SIPA1L3: variants seen among roughly 807,000 people sequenced by gnomAD.
SIPA1L3 encodes the protein signal induced proliferation associated 1 like 3.
In SIPA1L3, 59 loss-of-function variants were observed where a neutral mutation model predicts 150.1. That is an observed-to-expected ratio of 0.39 (90% confidence interval 0.32 to 0.49). SIPA1L3 has a LOEUF of 0.49. SIPA1L3 is among the 20% of genes least tolerant of loss of function. The pLI is 0.86. For synonymous variants in SIPA1L3, 1,070 were observed against 1,077.6 expected, an observed-to-expected ratio of 0.99 and a Z score of 0.14; for missense variants, 2,211 against 2,489.5, an observed-to-expected ratio of 0.89 and a Z score of 2.38.
At chr19:38,167,231 C>CAAAAAAAAAAAAAAA (rs370193698) in intron 15 of SIPA1L3, among the ~76,000 whole-genome samples, 1 of 87,524 alleles carries the variant, frequency 1.1e-5, no homozygotes, top group Non-Finnish European at 2.3e-5. Flanking sequence ...GATTCCATCT[C>CAAAAAAAAAAAAAAA]AAAAAAAAAA....
At chr19:38,024,320 T>C (rs772026186) in intron 1 of SIPA1L3, among the ~76,000 whole-genome samples, 37 of 152,296 alleles carry the variant, frequency 2.4e-4, no homozygotes, top group Non-Finnish European at 4.7e-4. Context: ...AAAGACTGGT[T>C]TTCAGTATGT....
chr19:38,012,229 G>T (rs1968118725), intron 1 of SIPA1L3, among the ~76,000 whole-genome samples: 1 of 151,920 alleles, frequency 6.6e-6, no homozygotes, highest in African/African-American at 2.4e-5. Context: ...GGGACCACAG[G>T]TGCATGCCCC....
At chr19:37,973,235 CTTT>C (rs34272056) in intron 1 of SIPA1L3, among the ~76,000 whole-genome samples, 13 of 119,962 alleles carry the variant, frequency 1.1e-4, no homozygotes, top group African/African-American at 9.8e-5. Flanking sequence ...AAAAGCGCAT[CTTT>C]TTTTTTTTTT....
chr19:37,941,081 CACACAT>C (rs769972027), intron 1 of SIPA1L3, among the ~76,000 whole-genome samples: 3,735 of 128,114 alleles, frequency 0.029, 99 homozygotes, highest in East Asian at 0.074. Flanking sequence ...TACACACACA[CACACAT>C]ACACACACAC....
intron 1 of SIPA1L3, 39 bp from the exon 2 acceptor site, chr19:38,029,050 T>G (rs1487191622): frequency 6.6e-6 from 1 of 152,124 alleles, no homozygotes; most frequent in Non-Finnish European, 1.5e-5. Flanking sequence ...AAGGCTTAAG[T>G]TGGCCAGAGA....
At chr19:38,031,189 C>T (rs1968646865) in intron 2 of SIPA1L3, among the ~76,000 whole-genome samples, 1 of 152,186 alleles carries the variant, frequency 6.6e-6, no homozygotes, top group Non-Finnish European at 1.5e-5. Context: ...ACAAAGTTCA[C>T]ATGTCTACCC....
chr19:37,910,258 G>C (rs1390227796), intron 1 of SIPA1L3, among the ~76,000 whole-genome samples: 1 of 152,100 alleles, frequency 6.6e-6, no homozygotes, highest in Non-Finnish European at 1.5e-5. Flanking sequence ...TAAAGTGTTT[G>C]TTTTTAGCTA....
Position 38,082,117 on chromosome 19 carries a change from G to A in SIPA1L3, c.552G>A (p.Ala184=), listed in dbSNP as rs373122914. 1.4e-5 allele frequency: 23 copies of A among 1,607,490 alleles called. No homozygotes were observed. The highest frequency in any genetic ancestry group is 2.2e-5 in the East Asian group (1 of 44,828). The part of the protein sequence containing the change: ...ITLSECDAED[A]GEPRGARHTG... Reference sequence around the variant, plus strand: ...TCAGCGAGTGTGACGCGGAGGACGCGGGGGAGCCGCGGGGGGCCCGGCACA... The same window carrying A: ...TCAGCGAGTGTGACGCGGAGGACGCAGGGGAGCCGCGGGGGGCCCGGCACA... Residue 184 remains alanine, a synonymous_variant, in exon 3 of 22, where the codon GCG becomes GCA. Transcript: ENST00000222345.
intron 2 of SIPA1L3, among the ~76,000 whole-genome samples, chr19:38,052,793 G>A (rs1411698712): frequency 1.3e-5 from 2 of 152,162 alleles, no homozygotes; most frequent in African/African-American, 2.4e-5. Flanking sequence ...GGGCCTACAT[G>A]GTTCCGAGTT....
At chr19:38,071,896 G>A (rs1969731368) in intron 2 of SIPA1L3, among the ~76,000 whole-genome samples, 1 of 152,222 alleles carries the variant, frequency 6.6e-6, no homozygotes. Flanking sequence ...GATGGGGAGT[G>A]ATCAAGAGTT....
intron 1 of SIPA1L3, among the ~76,000 whole-genome samples, chr19:37,984,836 A>G (rs1967303684): frequency 6.6e-6 from 1 of 152,168 alleles, no homozygotes. Flanking sequence ...AAACTAGAGC[A>G]TGTCCTTGTG....
rs763908720 is a variant in SIPA1L3, at chr19:38,205,457, CAAAA to C, written c.5203-624_5203-621del. Among the ~76,000 whole-genome samples the C allele has an allele frequency of 5.3e-5, 4 of 75,436 alleles. No individual in the cohort carries two copies. The South Asian group carries it at 1.4e-3, about 27-fold the overall frequency. 49.5% of individuals were successfully genotyped at this position (75,436 alleles called of 152,430 possible). A position where few individuals can be genotyped will look rare whatever the true frequency, so the allele number is the denominator to read the frequency against. Reference sequence around the variant, plus strand: ...GGGCGACAAGAGCAAAACCCAGTCTCAAAAAAAAAAAAAAAAAAATGAGGAGGAG... The same window carrying C: ...GGGCGACAAGAGCAAAACCCAGTCTCAAAAAAAAAAAAAAATGAGGAGGAG... On this transcript the variant is annotated intron_variant, in intron 21 of 21. Transcript: ENST00000222345.
chr19:38,141,448 TG>T lies in SIPA1L3; in HGVS notation c.3395+19del. On this transcript the variant is annotated intron_variant, in intron 11 of 21. Transcript: ENST00000222345. ...TGCACAGCAAGAGGTAAGCACCTGC[TG>T]GGGGGACCAATACTTCCCAACCCCC... The T allele has an allele frequency of 6.2e-7, 1 of 1,601,902 alleles. No homozygotes were observed.
chr19:38,010,074 C>T (rs1416640452), intron 1 of SIPA1L3, among the ~76,000 whole-genome samples: 2 of 152,134 alleles, frequency 1.3e-5, no homozygotes, highest in Non-Finnish European at 2.9e-5. Context: ...TAACCCTGCT[C>T]AGCCCTCTCC....
intron 10 of SIPA1L3, among the ~76,000 whole-genome samples, chr19:38,134,041 T>C (rs187092244): frequency 6.6e-6 from 1 of 152,058 alleles, no homozygotes; most frequent in Admixed American, 6.6e-5. Flanking sequence ...TGCAGTGCAG[T>C]GGCATGATCT....
chr19:38,142,669 C>A lies in SIPA1L3; in HGVS notation c.3492C>A (p.Pro1164=), dbSNP rs201468532. 1 of 1,614,096 alleles carries A rather than the reference C, an allele frequency of 6.2e-7. No homozygotes were observed. Among genetic ancestry groups the A allele is most frequent in the East Asian group, 2.2e-5 (1 of 44,888 alleles). Residue 1164 remains proline (P), a synonymous_variant, in exon 12 of 22, where the codon CCC becomes CCA. Transcript: ENST00000222345. The part of the protein sequence containing the change: ...YRQPSGSFST[P]GSATYVRYKP... Reference sequence around the variant, plus strand: ...AGCCTTCTGGGAGCTTCTCCACCCCCGGTTCGGCCACCTACGTGAGATACA... The same window carrying A: ...AGCCTTCTGGGAGCTTCTCCACCCCAGGTTCGGCCACCTACGTGAGATACA...
In SIPA1L3 at chr19:38,081,274, C is replaced by T. The variant is rs547305195; in HGVS notation, c.-292C>T. ...ATTTCAGCATGGCGAGGACAACATC[C>T]TTGCTGCCTCCAGCTGGCGGGCGAC... On this transcript the variant is annotated 5_prime_UTR_variant, in exon 3 of 22. Coordinates refer to ENST00000222345, the MANE Select transcript of SIPA1L3 (RefSeq NM_015073.3). The T allele has an allele frequency of 3.5e-4, 148 of 423,268 alleles. No individual in the cohort carries two copies. Among genetic ancestry groups the T allele is most frequent in the African/African-American group, 2.7e-3 (135 of 49,756 alleles). The allele number at this position is 423,268 out of a possible 1,614,324, so 26.2% of individuals were successfully genotyped here. A position where few individuals can be genotyped will look rare whatever the true frequency, so the allele number is the denominator to read the frequency against.
chr19:38,069,238 G>A (rs1161725357), intron 2 of SIPA1L3, among the ~76,000 whole-genome samples: 1 of 152,178 alleles, frequency 6.6e-6, no homozygotes, highest in Non-Finnish European at 1.5e-5. Context: ...GACAGCATGG[G>A]GGGACAATCG....
intron 15 of SIPA1L3, among the ~76,000 whole-genome samples, chr19:38,173,987 G>A (rs560539876): frequency 8.5e-5 from 13 of 152,062 alleles, no homozygotes; most frequent in Non-Finnish European, 1.5e-4. Flanking sequence ...GGGCCCTGTC[G>A]GGAGGGCTCT....
Sources: allele counts gnomAD v4.1 joint callset (sites outside exome capture counted in the v4.1 genomes callset), GRCh38; gene constraint gnomAD v4.1.1; transcripts MANE v1.5; gene names NCBI Gene and HGNC (gene_info 2026-07-23, HGNC 2026-07-21).